Variants in FLT1 observed in about 807,000 individuals in gnomAD.
FLT1 encodes the protein fms related receptor tyrosine kinase 1.
FLT1 carries 49 observed loss-of-function variants against 156.3 expected under a neutral mutation model. That is an observed-to-expected ratio of 0.31 (90% CI 0.25 to 0.40). FLT1 has a LOEUF of 0.40. FLT1 is among the 10% of genes least tolerant of loss of function. The probability of loss-of-function intolerance (pLI) is 1.00; values close to 1 mark genes in which losing one functional copy is unlikely to be tolerated. For synonymous variants in FLT1, 594 were observed against 583.8 expected (o/e 1.02, Z -0.25); for missense variants, 1,322 against 1,637.2 (o/e 0.81, Z 3.32).
At chr13:28,416,712 G>A (rs1270383224) in intron 10 of FLT1, among the ~76,000 whole-genome samples, 1 of 152,158 alleles carries the variant, frequency 6.6e-6, no homozygotes, top group Non-Finnish European at 1.5e-5. Context: ...AGGCTATACA[G>A]CCTCTATCAG....
chr13:28,303,691 A>G (rs1325548712), intron 29 of FLT1, among the ~76,000 whole-genome samples: 5 of 152,166 alleles, frequency 3.3e-5, no homozygotes, highest in African/African-American at 1.2e-4. Context: ...TTCTTGGGTC[A>G]AACAGCTTCT....
chr13:28,470,005 C>T (rs1338421933), intron 1 of FLT1, among the ~76,000 whole-genome samples: 2 of 152,222 alleles, frequency 1.3e-5, no homozygotes, highest in African/African-American at 2.4e-5. Context: ...CCACCTGCCT[C>T]GGCCTCCCAA....
chr13:28,457,539 G>A (rs1459583909), intron 3 of FLT1, among the ~76,000 whole-genome samples: 1 of 151,982 alleles, frequency 6.6e-6, no homozygotes, highest in Non-Finnish European at 1.5e-5. Flanking sequence ...ACATAATTCA[G>A]CAAAAATACA....
chr13:28,371,041 TA>T (rs1873539962), intron 14 of FLT1, among the ~76,000 whole-genome samples: 1 of 152,214 alleles, frequency 6.6e-6, no homozygotes, highest in African/African-American at 2.4e-5. Flanking sequence ...GTATGCCTGC[TA>T]AAAAGAGTGG....
chr13:28,395,138 CT>C (rs1874967936), intron 12 of FLT1, among the ~76,000 whole-genome samples: 1 of 152,164 alleles, frequency 6.6e-6, no homozygotes, highest in Non-Finnish European at 1.5e-5. Flanking sequence ...TGATCCTGAC[CT>C]CTCAGGTCAT....
At position 28,322,864 on chromosome 13, in the gene FLT1, A is replaced by G; in HGVS notation, c.2879T>C (p.Val960Ala). 6.2e-7 allele frequency: 1 copy of G among 1,614,142 alleles called. No homozygotes were observed. Among genetic ancestry groups the G allele is most frequent in the Non-Finnish European group, 8.5e-7 (1 of 1,180,028 alleles). Reference sequence around the variant, plus strand: ...GCTCGCAAAGCTTTCGCTGCTGGTGACGCTATCTAGTCTTGGTTTCTTGCC... The same window carrying G: ...GCTCGCAAAGCTTTCGCTGCTGGTGGCGCTATCTAGTCTTGGTTTCTTGCC... ...EQGKKPRLDS[V>A]TSSESFASSG... The change falls in exon 21 of 30, where the codon GTC becomes GCC. Residue 960 changes from valine (V) to alanine (A), a missense_variant. Physicochemically the swap from Val to Ala is moderately conservative, Grantham distance 64. Transcript: ENST00000282397. This position sits in a 1 kb window ranked among gnomAD's most constrained non-coding sequence, Gnocchi z 4.3.
Position 28,308,842 on chromosome 13 carries a change from C to A in FLT1, c.3720+1G>T. The A allele has an allele frequency of 6.2e-7, 1 of 1,604,482 alleles. No individual in the cohort carries two copies. The highest frequency in any genetic ancestry group is 8.5e-7 in the Non-Finnish European group (1 of 1,171,148). On this transcript the variant is annotated splice_donor_variant, in intron 28 of 29. Transcript: ENST00000282397. LOFTEE classifies it high-confidence loss of function. ...CTAGGTACCTTAACTTCACGACTTA[C>A]ATCAAACATGGAGGTGGCATTCGGT...
intron 1 of FLT1, among the ~76,000 whole-genome samples, chr13:28,482,209 T>C (rs567652072): frequency 6.6e-6 from 1 of 152,058 alleles, no homozygotes; most frequent in African/African-American, 2.4e-5. Flanking sequence ...ATCCCAACAC[T>C]CTGGGAGGCC....
intron 14 of FLT1, among the ~76,000 whole-genome samples, chr13:28,373,656 G>T (rs1235931906): frequency 1.3e-5 from 2 of 152,194 alleles, no homozygotes; most frequent in East Asian, 3.9e-4. Context: ...TTAAGGGAGT[G>T]TATGAGTTTT....
At chr13:28,303,551 C>G (rs895569164) in intron 29 of FLT1, among the ~76,000 whole-genome samples, 183 bp from the exon 30 acceptor site, 2 of 151,604 alleles carry the variant, frequency 1.3e-5, no homozygotes, top group African/African-American at 4.8e-5. Context: ...CACGGCCTCC[C>G]TCTTAACAGC....
chr13:28,382,309 T>C (rs1044327422), intron 14 of FLT1, among the ~76,000 whole-genome samples: 3 of 152,004 alleles, frequency 2.0e-5, no homozygotes, highest in African/African-American at 7.3e-5. Flanking sequence ...AAAGAAAGCA[T>C]AGGGAGTTTA....
At position 28,494,804 on chromosome 13, in the gene FLT1, G is replaced by A. The variant is rs866860038; in HGVS notation, c.40C>T (p.Leu14=). The A allele has an allele frequency of 6.3e-7, 1 of 1,575,254 alleles. No individual in the cohort carries two copies. The highest frequency in any genetic ancestry group is 8.6e-7 in the Non-Finnish European group (1 of 1,165,686). Residue 14 remains leucine, a synonymous_variant, in exon 1 of 30, where the codon CTG becomes TTG. Transcript: ENST00000282397. ...CCTGTGAGAAGCAGACAGCTGAGCA[G>A]CGCGCACAGCAGGACCCCGGTGTCC... ...YWDTGVLLCA[L]LSCLLLTGSS... is the part of the protein sequence containing the mutation.
At chr13:28,482,196 G>C (rs1007323494) in intron 1 of FLT1, among the ~76,000 whole-genome samples, 1 of 152,164 alleles carries the variant, frequency 6.6e-6, no homozygotes. Context: ...GCTCACGCCT[G>C]TAATCCCAAC....
At chr13:28,462,379 C>T (rs1240165197) in intron 3 of FLT1, among the ~76,000 whole-genome samples, 1 of 152,200 alleles carries the variant, frequency 6.6e-6, no homozygotes, top group African/African-American at 2.4e-5. Context: ...GTGCTCCTTT[C>T]TCTCTCCAAG....
intron 25 of FLT1, among the ~76,000 whole-genome samples, chr13:28,313,805 G>A (rs1871098291): frequency 1.3e-5 from 2 of 151,750 alleles, no homozygotes; most frequent in African/African-American, 4.9e-5. Flanking sequence ...GGCGCCAATG[G>A]CTCCAGATAT....
chr13:28,361,659 A>C (rs1343390312), intron 14 of FLT1, among the ~76,000 whole-genome samples: 7 of 152,234 alleles, frequency 4.6e-5, no homozygotes, highest in African/African-American at 1.7e-4. Flanking sequence ...AATAAATAGC[A>C]AGAGTGGAGG....
intron 13 of FLT1, chr13:28,388,919 G>A (rs1037848877): frequency 9.5e-7 from 1 of 1,057,464 alleles, no homozygotes; most frequent in African/African-American, 1.6e-5. Context: ...CAATAGCTGT[G>A]TGGTGCAGTC....
At chr13:28,419,629 C>T (rs553575517) in intron 10 of FLT1, among the ~76,000 whole-genome samples, 1 of 152,304 alleles carries the variant, frequency 6.6e-6, no homozygotes, top group South Asian at 2.1e-4. Context: ...CCTGTAATCC[C>T]AGCACTTTGG....
At chr13:28,313,719 G>A (rs1284531535) in intron 25 of FLT1, among the ~76,000 whole-genome samples, 1 of 152,068 alleles carries the variant, frequency 6.6e-6, no homozygotes, top group African/African-American at 2.4e-5. Context: ...GGGAGATGGC[G>A]GTTGCTGGGG....
Sources: allele counts gnomAD v4.1 joint callset (sites outside exome capture counted in the v4.1 genomes callset), GRCh38; gene constraint gnomAD v4.1.1; non-coding constraint Gnocchi (gnomAD v3.1); transcripts MANE v1.5; gene names NCBI Gene and HGNC (gene_info 2026-07-23, HGNC 2026-07-21).